Variants in CNTNAP2 observed in about 807,000 individuals in gnomAD.
CNTNAP2 encodes contactin-associated protein-like 2.
In CNTNAP2, 98 loss-of-function variants were observed where a neutral mutation model predicts 155.2. The observed-to-expected ratio is 0.63, with a 90% CI of 0.54 to 0.75. CNTNAP2 has a LOEUF of 0.75. Among genes scored for constraint, CNTNAP2 ranks in the 30% least tolerant of loss-of-function variants. The pLI is 0.00. For missense variants in CNTNAP2, 1,727 were observed against 1,688.1 expected, an observed-to-expected ratio of 1.02 and a Z score of -0.40; for synonymous variants, 651 against 631.2, an observed-to-expected ratio of 1.03 and a Z score of -0.47.
intron 1 of CNTNAP2, among the ~76,000 whole-genome samples, chr7:146,160,060 G>A (rs146830674): frequency 0.019 from 2,838 of 152,220 alleles, 80 homozygotes; most frequent in African/African-American, 0.063. Context: ...AAACAACTAC[G>A]TGGAGACTGA....
chr7:146,429,864 T>C (rs1796147697), intron 1 of CNTNAP2, among the ~76,000 whole-genome samples: 1 of 152,320 alleles, frequency 6.6e-6, no homozygotes, highest in South Asian at 2.1e-4. Flanking sequence ...GGGTTTGTTA[T>C]AGATGGCTCT....
chr7:146,774,877 GATGTGTGCAACTAC>G (rs758573044), intron 2 of CNTNAP2, among the ~76,000 whole-genome samples: 5 of 152,162 alleles, frequency 3.3e-5, no homozygotes, highest in Non-Finnish European at 5.9e-5. Context: ...AAAATCGTTA[GATGTGTGCAACTAC>G]AATGTGAGTT....
intron 1 of CNTNAP2, among the ~76,000 whole-genome samples, chr7:146,610,733 G>C (rs10487927): frequency 0.34 from 51,890 of 151,994 alleles, 10,903 homozygotes; most frequent in South Asian, 0.51. Context: ...TCTGGTCTCT[G>C]AACTCAAGTA....
At chr7:147,166,630 T>G (rs1802119432) in intron 8 of CNTNAP2, among the ~76,000 whole-genome samples, 1 of 152,062 alleles carries the variant, frequency 6.6e-6, no homozygotes, top group Admixed American at 6.5e-5. Context: ...TTCACCTGGG[T>G]GCAGGCGGGC....
chr7:147,868,289 C>T (rs1367029742), intron 13 of CNTNAP2, among the ~76,000 whole-genome samples: 1 of 152,202 alleles, frequency 6.6e-6, no homozygotes, highest in East Asian at 1.9e-4. Flanking sequence ...GGCTGCAAAA[C>T]AGCAAATATT....
intron 20 of CNTNAP2, among the ~76,000 whole-genome samples, chr7:148,258,227 A>C (rs1796491246): frequency 6.6e-6 from 1 of 152,206 alleles, no homozygotes; most frequent in Non-Finnish European, 1.5e-5. Flanking sequence ...CTCCTGGGGC[A>C]GGAGTGGTAA....
chr7:148,042,995 T>C (rs1237204871), intron 15 of CNTNAP2, among the ~76,000 whole-genome samples: 1 of 152,224 alleles, frequency 6.6e-6, no homozygotes, highest in Non-Finnish European at 1.5e-5. Flanking sequence ...TTGAGAATTA[T>C]GTGCAAATTT....
intron 20 of CNTNAP2, among the ~76,000 whole-genome samples, chr7:148,232,033 A>G (rs1795971791): frequency 6.6e-6 from 1 of 152,148 alleles, no homozygotes. Context: ...TCTGTCATGT[A>G]ATGTAACTGA....
chr7:147,566,378 G>A (rs1356814102), intron 12 of CNTNAP2, among the ~76,000 whole-genome samples: 2 of 136,586 alleles, frequency 1.5e-5, no homozygotes, highest in Non-Finnish European at 3.1e-5. Context: ...GGGAGAAGGG[G>A]GGTGGGGGGA....
chr7:146,322,590 CT>C (rs899382517), intron 1 of CNTNAP2, among the ~76,000 whole-genome samples: 8 of 132,550 alleles, frequency 6.0e-5, no homozygotes, highest in South Asian at 2.5e-4. Context: ...TTTTTAGGGA[CT>C]TTTTTTCTCC....
intron 10 of CNTNAP2, among the ~76,000 whole-genome samples, chr7:147,404,934 G>A (rs867660810): frequency 3.9e-5 from 6 of 152,310 alleles, no homozygotes; most frequent in Middle Eastern, 3.4e-3. Flanking sequence ...TGAAATGCCA[G>A]AGGAGATAAC....
chr7:147,316,988 G>A (rs996517702), intron 9 of CNTNAP2, among the ~76,000 whole-genome samples: 1 of 152,194 alleles, frequency 6.6e-6, no homozygotes, highest in Non-Finnish European at 1.5e-5. Flanking sequence ...CAGTGAATGT[G>A]CCATTGCCCT....
Position 148,301,306 on chromosome 7 carries a change from A to AAAATATAT in CNTNAP2, c.3475+34181_3475+34182insAATATATA. On this transcript the variant is annotated intron_variant, in intron 21 of 23. Transcript: ENST00000361727. ...GAGACTCCGTCTAAAAAAAAAAAAA[A>AAAATATAT]ATATATATATATATATAGGTTAAAA... is the stretch of plus-strand genomic sequence containing the variant. Among the ~76,000 whole-genome samples, 547 of 103,830 alleles carry AAAATATAT rather than the reference A, an allele frequency of 5.3e-3. 10 individuals carry two copies. The highest frequency in any genetic ancestry group is 0.01 in the Middle Eastern group (2 of 198). The allele number at this position is 103,830 out of a possible 152,430, so 68.1% of individuals were successfully genotyped here.
At chr7:148,123,691 A>T (rs1804654573) in intron 16 of CNTNAP2, among the ~76,000 whole-genome samples, 1 of 147,716 alleles carries the variant, frequency 6.8e-6, no homozygotes, top group African/African-American at 2.6e-5. Context: ...AAGGAAAAAG[A>T]AAGAGAAAGA....
At chr7:147,757,497 T>G (rs970025271) in intron 13 of CNTNAP2, among the ~76,000 whole-genome samples, 2 of 152,198 alleles carry the variant, frequency 1.3e-5, no homozygotes, top group Non-Finnish European at 2.9e-5. Flanking sequence ...CCTAAACCTG[T>G]AAGACTTGAA....
chr7:146,525,192 G>A (rs369007064), intron 1 of CNTNAP2, among the ~76,000 whole-genome samples: 6 of 151,824 alleles, frequency 4.0e-5, no homozygotes, highest in South Asian at 2.1e-4. Flanking sequence ...GGTAATCCTC[G>A]GCTATTTGTG....
At chr7:147,535,354 T>A (rs1182203002) in intron 11 of CNTNAP2, among the ~76,000 whole-genome samples, 2 of 152,154 alleles carry the variant, frequency 1.3e-5, no homozygotes, top group East Asian at 3.9e-4. Context: ...ATCGCGCCAC[T>A]GCACTGCAGC....
intron 12 of CNTNAP2, among the ~76,000 whole-genome samples, chr7:147,629,639 C>T (rs1795048859): frequency 6.6e-6 from 1 of 151,660 alleles, no homozygotes; most frequent in Admixed American, 6.6e-5. Context: ...TCTCTCAGAC[C>T]ACAGTGGAAA....
chr7:146,504,968 C>T (rs983815741), intron 1 of CNTNAP2, among the ~76,000 whole-genome samples: 1 of 152,204 alleles, frequency 6.6e-6, no homozygotes, highest in Non-Finnish European at 1.5e-5. Flanking sequence ...GACATTACCC[C>T]AGTGTTGCTC....
Sources: gnomAD v4.1 joint callset for allele counts (sites outside exome capture counted in the v4.1 genomes callset) on GRCh38, gnomAD v4.1.1 for gene constraint, MANE v1.5 for transcripts, NCBI Gene and HGNC (gene_info 2026-07-23, HGNC 2026-07-21) for gene names.